The following DYNC2H1 variants were observed in gnomAD, a reference collection of about 807,000 sequenced individuals.
DYNC2H1 encodes the protein cytoplasmic dynein 2 heavy chain 1.
In DYNC2H1, 410 loss-of-function variants were observed where a neutral mutation model predicts 570.0. The observed-to-expected ratio is 0.72, with a 90% CI of 0.66 to 0.78. The LOEUF is 0.78. Among genes scored for constraint, DYNC2H1 ranks in the 30% least tolerant of loss-of-function variants. DYNC2H1 has a pLI of 0.00. For missense variants in DYNC2H1, 4,865 were observed against 5,046.4 expected (o/e 0.96, Z 1.09); for synonymous variants, 1,688 against 1,677.6 (o/e 1.01, Z -0.15).
chr11:103,125,015 CA>C, intron 11 of DYNC2H1, 84 bp from the exon 12 acceptor site: 2 of 1,020,832 alleles, frequency 2.0e-6, no homozygotes, highest in Non-Finnish European at 2.8e-6. Flanking sequence ...ATTAGATGTA[CA>C]GAAAAGTTGT....
At chr11:103,206,748 C>G (rs900297183) in intron 52 of DYNC2H1, among the ~76,000 whole-genome samples, 2 of 152,042 alleles carry the variant, frequency 1.3e-5, no homozygotes, top group African/African-American at 2.4e-5. Context: ...ATGTGGAAAT[C>G]GTTGGTGACT....
chr11:103,219,987 G>C lies in DYNC2H1; in HGVS notation c.8905G>C (p.Glu2969Gln), dbSNP rs761198758. Residue 2969 changes from glutamate (E) to glutamine (Q), a missense_variant, in exon 56 of 89, where the codon GAA (glutamate) becomes CAA (glutamine). By Grantham distance (29) the Glu-to-Gln change is conservative (BLOSUM62 2). This residue lies in a region of DYNC2H1 where 2,401 missense variants were observed against 2,454.6 expected (regional missense o/e 0.98). Transcript: ENST00000375735. ...AGCAGAAGAAGTTGTTAAAATTGAA[G>C]AAAGAAAAAATAAAATTGATGATGA... ...RIAEEVVKIE[E>Q]RKNKIDDELK... 1 of 1,493,874 alleles carries C rather than the reference G, an allele frequency of 6.7e-7. No homozygotes were observed. The highest frequency in any genetic ancestry group is 2.7e-5 in the East Asian group (1 of 37,202). The allele number at this position is 1,493,874 out of a possible 1,614,324, so 92.5% of individuals were successfully genotyped here. A position where few individuals can be genotyped will look rare whatever the true frequency, so the allele number is the denominator to read the frequency against.
At position 103,221,965 on chromosome 11, in the gene DYNC2H1, T is replaced by G. The variant is rs1863605051; in HGVS notation, c.9108-65T>G. 3.8e-6 allele frequency: 6 copies of G among 1,563,286 alleles called. No homozygotes were observed. In the Admixed American group the frequency reaches 5.5e-5, roughly 14 times the overall value. On this transcript the variant is annotated intron_variant, in intron 57 of 88. Coordinates refer to ENST00000375735, the MANE Select transcript of DYNC2H1 (RefSeq NM_001377.3). ...TATTGCATACACCATTTTGTTAAAC[T>G]GATTTTTTTTCAGAAACAGCAAATT... is the stretch of plus-strand genomic sequence containing the variant.
In DYNC2H1 at chr11:103,342,265, G is replaced by A. The variant is rs148341633; in HGVS notation, c.12040-15978G>A. ...GGTAAAATGCACCAATCAGCACCCT[G>A]TAAAATGGACCAATCAGCACCCTGT... On this transcript the variant is annotated intron_variant, in intron 82 of 88. Coordinates refer to ENST00000375735, the MANE Select transcript of DYNC2H1 (RefSeq NM_001377.3). 5.1e-3 allele frequency among the ~76,000 whole-genome samples: 781 copies of A among 152,184 alleles called. 10 individuals carry two copies. The highest frequency in any genetic ancestry group is 0.018 in the African/African-American group (752 of 41,518).
At chr11:103,318,480 G>A (rs1937986859) in intron 80 of DYNC2H1, among the ~76,000 whole-genome samples, 1 of 152,096 alleles carries the variant, frequency 6.6e-6, no homozygotes, top group Non-Finnish European at 1.5e-5. Context: ...TTTAGTTGTA[G>A]TCCATTTATT....
Position 103,289,995 on chromosome 11 carries a change from T to G in DYNC2H1, c.11095+2390T>G, listed in dbSNP as rs1338917743. Among the ~76,000 whole-genome samples, 1 of 152,018 alleles carries G rather than the reference T, an allele frequency of 6.6e-6. No homozygotes were observed. The highest frequency in any genetic ancestry group is 1.9e-4 in the East Asian group (1 of 5,164). On this transcript the variant is annotated intron_variant, in intron 75 of 88. Coordinates refer to ENST00000375735, the MANE Select transcript of DYNC2H1 (RefSeq NM_001377.3). This position sits in a 1 kb window ranked among gnomAD's most constrained non-coding sequence, Gnocchi z 4.2. Reference sequence around the variant, plus strand: ...ACTGCAAGCCAAGGAACACTGAAGATTTTTAGTCAACCACGAGAACCTAGG... The same window carrying G: ...ACTGCAAGCCAAGGAACACTGAAGAGTTTTAGTCAACCACGAGAACCTAGG...
In DYNC2H1 at chr11:103,116,577, A is replaced by G. The variant is rs777507407; in HGVS notation, c.629A>G (p.Tyr210Cys). Residue 210 changes from tyrosine (Y) to cysteine (C), a missense_variant, in exon 5 of 89, where the codon TAT becomes TGT. By Grantham distance (194) the Tyr-to-Cys change is radical. Coordinates refer to ENST00000375735, the MANE Select transcript of DYNC2H1 (RefSeq NM_001377.3). ...ELFETIAREF[Y>C]NLDSLSLLEV... is the part of the protein sequence containing the mutation. ...TAATGCATTTTTTTCTAGGAGTTTT[A>G]TAACTTGGACAGTCTATCCTTACTA... 27 of 1,573,778 alleles carry G rather than the reference A, an allele frequency of 1.7e-5. No individual in the cohort carries two copies. The highest frequency in any genetic ancestry group is 2.3e-5 in the Non-Finnish European group (27 of 1,161,672).
At chr11:103,232,094 G>A (rs1864036590) in intron 60 of DYNC2H1, among the ~76,000 whole-genome samples, 1 of 151,828 alleles carries the variant, frequency 6.6e-6, no homozygotes, top group African/African-American at 2.4e-5. Context: ...TAAGTATAAT[G>A]TATTATTTTC....
At chr11:103,442,590 G>A (rs1261247950) in intron 85 of DYNC2H1, among the ~76,000 whole-genome samples, 2 of 152,114 alleles carry the variant, frequency 1.3e-5, no homozygotes, top group African/African-American at 4.8e-5. Flanking sequence ...ACAATGATAT[G>A]CAGTTTTACA....
chr11:103,250,321 A>G (rs903089845), intron 65 of DYNC2H1, among the ~76,000 whole-genome samples: 3 of 151,962 alleles, frequency 2.0e-5, no homozygotes, highest in Non-Finnish European at 4.4e-5. Flanking sequence ...CAATATTACT[A>G]ATCTTTTCAA....
chr11:103,239,642 AGTGTGT>A lies in DYNC2H1; in HGVS notation c.9819+3134_9819+3139del, dbSNP rs140380392. On this transcript the variant is annotated intron_variant, in intron 63 of 88. Transcript: ENST00000375735. This position sits in a 1 kb window ranked among gnomAD's most constrained non-coding sequence, Gnocchi z 4.3. ...CTCCTGTCTATACACTTCTCATAGG[AGTGTGT>A]GTGTGTGTGTGTGTGTGTGTGTGTG... Among the ~76,000 whole-genome samples, 2,690 of 140,024 alleles carry A rather than the reference AGTGTGT, an allele frequency of 0.019. 66 individuals are homozygous for A. The highest frequency in any genetic ancestry group is 0.063 in the African/African-American group (2,402 of 37,874). 91.9% of individuals were successfully genotyped at this position (140,024 alleles called of 152,430 possible).
At chr11:103,435,911 C>A (rs370233200) in intron 84 of DYNC2H1, 32 bp from the exon 85 acceptor site, 1 of 1,603,594 alleles carries the variant, frequency 6.2e-7, no homozygotes. Context: ...ATCATATACA[C>A]AAACTTAATT....
intron 60 of DYNC2H1, among the ~76,000 whole-genome samples, chr11:103,233,768 A>G (rs1454783044): frequency 6.6e-6 from 1 of 151,632 alleles, no homozygotes; most frequent in Non-Finnish European, 1.5e-5. Context: ...GCAAATTTTT[A>G]TATAATGCAG....
At chr11:103,443,084 AAAG>A (rs1477324394) in intron 85 of DYNC2H1, among the ~76,000 whole-genome samples, 2 of 151,804 alleles carry the variant, frequency 1.3e-5, no homozygotes, top group African/African-American at 2.4e-5. Context: ...TATTTTTGGT[AAAG>A]AAGAAGAAAT....
In DYNC2H1 at chr11:103,157,439, T is replaced by G. The variant is rs1341527432; in HGVS notation, c.4127+669T>G. Among the ~76,000 whole-genome samples the G allele has an allele frequency of 1.3e-5, 2 of 152,212 alleles. No homozygotes were observed. The highest frequency in any genetic ancestry group is 4.8e-5 in the African/African-American group (2 of 41,464). Reference sequence around the variant, plus strand: ...AATTTACCAGTTCCTTTCCAACAAATCTTTCTTCTTTCTGATTCCTATTTC... The same window carrying G: ...AATTTACCAGTTCCTTTCCAACAAAGCTTTCTTCTTTCTGATTCCTATTTC... On this transcript the variant is annotated intron_variant, in intron 26 of 88. Transcript: ENST00000375735. This position sits in a 1 kb window ranked among gnomAD's most constrained non-coding sequence, Gnocchi z 4.2.
intron 18 of DYNC2H1, among the ~76,000 whole-genome samples, chr11:103,144,166 G>A (rs1352687221): frequency 6.6e-6 from 1 of 152,180 alleles, no homozygotes; most frequent in African/African-American, 2.4e-5. Context: ...GGTTAAGTAA[G>A]TGGGCTCTGG....
At position 103,312,037 on chromosome 11, in the gene DYNC2H1, A is replaced by C. The variant is rs372714647; in HGVS notation, c.11649+4A>C. The stretch of plus-strand genomic sequence containing the variant: ...AAGAAGAAACTATATTCCTCAGGTA[A>C]GTAAGAACATGTCTTGAATACATTC... On this transcript the variant is annotated splice_donor_region_variant and intron_variant, in intron 79 of 88. Coordinates refer to ENST00000375735, the MANE Select transcript of DYNC2H1 (RefSeq NM_001377.3). 1 of 1,603,924 alleles carries C rather than the reference A, an allele frequency of 6.2e-7. No homozygotes were observed. Among genetic ancestry groups the C allele is most frequent in the South Asian group, 1.1e-5 (1 of 88,640 alleles).
chr11:103,371,927 G>GTTTTTTTTTTTTTTTTTTTTTTTTTTTT (rs60335910), intron 83 of DYNC2H1, among the ~76,000 whole-genome samples: 1 of 67,880 alleles, frequency 1.5e-5, no homozygotes, highest in Non-Finnish European at 2.4e-5. Flanking sequence ...TCCCATTTGG[G>GTTTTTTTTTTTTTTTTTTTTTTTTTTTT]TTTTTTTTTT....
chr11:103,279,406 C>G (rs2135333347), intron 70 of DYNC2H1, among the ~76,000 whole-genome samples: 1 of 152,276 alleles, frequency 6.6e-6, no homozygotes, highest in East Asian at 1.9e-4. Flanking sequence ...CCTCCTAAGA[C>G]TACCGGCAGT....
Sources: gnomAD v4.1 joint callset for allele counts (sites outside exome capture counted in the v4.1 genomes callset) on GRCh38, gnomAD v4.1.1 for gene constraint, gnomAD v4.1.1 regional missense constraint, Gnocchi (gnomAD v3.1) non-coding constraint, MANE v1.5 for transcripts, NCBI Gene and HGNC (gene_info 2026-07-23, HGNC 2026-07-21) for gene names.